The following NBAS variants were observed in gnomAD, a reference collection of about 807,000 sequenced individuals.
The protein encoded by NBAS is NAG/BC035112 fusion.
A neutral mutation model predicts 302.5 loss-of-function variants in NBAS; 219 were observed. The observed-to-expected ratio is 0.72, with a 90% CI of 0.65 to 0.81. The LOEUF (loss-of-function observed/expected upper bound fraction) is 0.81. Ranked by LOEUF, NBAS falls within the 30% of genes least tolerant of loss-of-function variation. The pLI is 0.00. For synonymous variants in NBAS, 1,118 were observed against 1,021.6 expected (o/e 1.09, Z -1.80); for missense variants, 2,932 against 2,841.6 (o/e 1.03, Z -0.72).
intron 40 of NBAS, among the ~76,000 whole-genome samples, chr2:15,304,474 C>T (rs867181627): frequency 6.6e-6 from 1 of 152,058 alleles, no homozygotes; most frequent in Non-Finnish European, 1.5e-5. Flanking sequence ...TAAAGATACC[C>T]GAAAATGTGA....
At chr2:15,268,920 C>A (rs1669195415) in intron 44 of NBAS, among the ~76,000 whole-genome samples, 1 of 152,106 alleles carries the variant, frequency 6.6e-6, no homozygotes, top group Non-Finnish European at 1.5e-5. Context: ...ATTTCTGCTC[C>A]CCTGGAAGTA....
intron 51 of NBAS, among the ~76,000 whole-genome samples, chr2:15,173,095 T>C (rs1161457637): frequency 2.0e-5 from 3 of 152,240 alleles, no homozygotes; most frequent in Admixed American, 2.0e-4. Context: ...GAAGGGCTTA[T>C]ATATATCAGA....
At chr2:14,826,706 C>T in the NBAS span, among the ~76,000 whole-genome samples, 1 of 152,214 alleles carries the variant, frequency 6.6e-6, no homozygotes, top group Non-Finnish European at 1.5e-5. Flanking sequence ...TCACATCATG[C>T]TCCTGTAGGG....
chr2:15,403,690 C>G (rs189918803), intron 25 of NBAS, among the ~76,000 whole-genome samples: 4 of 151,990 alleles, frequency 2.6e-5, no homozygotes, highest in Admixed American at 2.6e-4. Flanking sequence ...AGCAATCCCC[C>G]CCAGATACTG....
chr2:15,488,669 C>T (rs896201634), intron 12 of NBAS, among the ~76,000 whole-genome samples: 8 of 152,118 alleles, frequency 5.3e-5, no homozygotes, highest in Non-Finnish European at 1.0e-4. Flanking sequence ...TTACAGATTA[C>T]ACTCTGTATA....
chr2:14,848,610 C>T, the NBAS span, among the ~76,000 whole-genome samples: 1 of 140,108 alleles, frequency 7.1e-6, no homozygotes, highest in African/African-American at 3.2e-5. Context: ...CTGTAGGCTC[C>T]ACCTCTGGGG....
At chr2:14,951,270 C>T in the NBAS span, among the ~76,000 whole-genome samples, 43 of 152,198 alleles carry the variant, frequency 2.8e-4, no homozygotes, top group Admixed American at 3.9e-4. Context: ...GATCCAGAAA[C>T]GGAACAAATC....
the NBAS span, among the ~76,000 whole-genome samples, chr2:15,069,746 G>A: frequency 6.6e-6 from 1 of 152,150 alleles, no homozygotes; most frequent in Non-Finnish European, 1.5e-5. Flanking sequence ...CTCTGTGACA[G>A]CATCTACATA....
intron 38 of NBAS, among the ~76,000 whole-genome samples, chr2:15,326,214 G>A (rs1672056804): frequency 6.6e-6 from 1 of 152,188 alleles, no homozygotes; most frequent in Non-Finnish European, 1.5e-5. Context: ...GACATGAAAT[G>A]AGCAGTGTTG....
the NBAS span, among the ~76,000 whole-genome samples, chr2:15,034,235 G>GGAAAGAAAGAAA: frequency 4.9e-5 from 4 of 81,636 alleles, no homozygotes; most frequent in African/African-American, 1.8e-4. Flanking sequence ...AAAGAAAGAA[G>GGAAAGAAAGAAA]GAAAGAAAGA....
chr2:14,899,003 G>A, the NBAS span, among the ~76,000 whole-genome samples: 1 of 152,142 alleles, frequency 6.6e-6, no homozygotes, highest in Non-Finnish European at 1.5e-5. Flanking sequence ...GGCTAAATGG[G>A]TCTCATCTGG....
At chr2:15,061,573 C>T in the NBAS span, among the ~76,000 whole-genome samples, 1 of 152,204 alleles carries the variant, frequency 6.6e-6, no homozygotes, top group Non-Finnish European at 1.5e-5. Context: ...AGGGCACATA[C>T]ATGGTGGTTG....
At chr2:15,238,333 A>G (rs1351964530) in intron 45 of NBAS, 135 bp downstream of exon 45, 21 of 849,602 alleles carry the variant, frequency 2.5e-5, no homozygotes, top group Non-Finnish European at 3.5e-5. Flanking sequence ...AGGTTAACCA[A>G]TAAAGGCTTG....
At chr2:15,544,259 G>A (rs934073030) in intron 6 of NBAS, among the ~76,000 whole-genome samples, 3 of 151,982 alleles carry the variant, frequency 2.0e-5, no homozygotes, top group Non-Finnish European at 2.9e-5. Flanking sequence ...TAATAGTGTC[G>A]CCAGAAGAAC....
At chr2:15,461,145 CA>C (rs1211564083) in intron 21 of NBAS, 55 bp downstream of exon 21, 14 of 1,483,890 alleles carry the variant, frequency 9.4e-6, no homozygotes, top group Non-Finnish European at 1.2e-5. Flanking sequence ...TTCAGCATGA[CA>C]AAAAAATTAT....
chr2:15,409,124 T>C (rs1488363138), intron 25 of NBAS, among the ~76,000 whole-genome samples: 3 of 152,258 alleles, frequency 2.0e-5, no homozygotes, highest in Non-Finnish European at 4.4e-5. Context: ...TATTTCATTG[T>C]CTGCTGGTAT....
intron 31 of NBAS, among the ~76,000 whole-genome samples, chr2:15,372,577 A>AATCTGTG (rs1674539951): frequency 6.6e-6 from 1 of 152,012 alleles, no homozygotes; most frequent in Non-Finnish European, 1.5e-5. Context: ...TGGCATCTGT[A>AATCTGTG]AGATAAACAC....
At chr2:14,875,864 A>G in the NBAS span, among the ~76,000 whole-genome samples, 29 of 152,014 alleles carry the variant, frequency 1.9e-4, no homozygotes, top group African/African-American at 4.8e-4. Flanking sequence ...AAGGAAGGGG[A>G]AAAAAAAGCA....
At chr2:14,797,636 G>T in the NBAS span, among the ~76,000 whole-genome samples, 1 of 147,824 alleles carries the variant, frequency 6.8e-6, no homozygotes, top group African/African-American at 2.6e-5. Flanking sequence ...CTCCAGCCAG[G>T]CCCTGGCTGT....
Sources: gnomAD v4.1 joint callset for allele counts (sites outside exome capture counted in the v4.1 genomes callset) on GRCh38, gnomAD v4.1.1 for gene constraint, MANE v1.5 for transcripts, NCBI Gene and HGNC (gene_info 2026-07-23, HGNC 2026-07-21) for gene names.